Variants in CNTNAP5 observed in about 807,000 individuals in gnomAD.
CNTNAP5 encodes contactin associated protein family member 5.
Under a neutral mutation model 150.2 loss-of-function variants are expected in CNTNAP5, and 72 were observed. That is an observed-to-expected ratio of 0.48 (90% CI 0.40 to 0.58). The LOEUF (loss-of-function observed/expected upper bound fraction) is 0.58. CNTNAP5 is among the 20% of genes least tolerant of loss of function. CNTNAP5 has a pLI of 0.00. For missense variants in CNTNAP5, 1,636 were observed against 1,626.2 expected, an observed-to-expected ratio of 1.01 and a Z score of -0.10; for synonymous variants, 672 against 619.8, an observed-to-expected ratio of 1.08 and a Z score of -1.25.
intron 2 of CNTNAP5, among the ~76,000 whole-genome samples, chr2:124,237,119 G>A (rs1686770597): frequency 6.6e-6 from 1 of 151,982 alleles, no homozygotes; most frequent in South Asian, 2.1e-4. Flanking sequence ...ACAGGAGCGA[G>A]ACTCTGTCAA....
chr2:124,274,732 A>T (rs1687845343), intron 3 of CNTNAP5, among the ~76,000 whole-genome samples: 1 of 152,150 alleles, frequency 6.6e-6, no homozygotes, highest in Non-Finnish European at 1.5e-5. Flanking sequence ...TTGCATTATA[A>T]TAATATGTTA....
intron 11 of CNTNAP5, among the ~76,000 whole-genome samples, chr2:124,565,790 G>A (rs1248170969): frequency 6.6e-6 from 1 of 151,614 alleles, no homozygotes; most frequent in Non-Finnish European, 1.5e-5. Flanking sequence ...TAGTAGAGAC[G>A]GGGTTTCACC....
At chr2:124,850,369 C>A (rs1163058453) in intron 19 of CNTNAP5, among the ~76,000 whole-genome samples, 2 of 151,876 alleles carry the variant, frequency 1.3e-5, no homozygotes, top group East Asian at 3.9e-4. Context: ...GATAGAGAGA[C>A]ACAGAGACAA....
intron 21 of CNTNAP5, among the ~76,000 whole-genome samples, chr2:124,888,623 T>C (rs544516531): frequency 6.6e-6 from 1 of 152,262 alleles, no homozygotes; most frequent in South Asian, 2.1e-4. Context: ...TTTTTTGACT[T>C]TTTAATAATA....
At chr2:124,860,133 T>A (rs1372580095) in intron 19 of CNTNAP5, among the ~76,000 whole-genome samples, 1 of 151,426 alleles carries the variant, frequency 6.6e-6, no homozygotes, top group Non-Finnish European at 1.5e-5. Context: ...GGGTGGATCA[T>A]GAGGTCAGGA....
chr2:124,871,270 A>ATATTTATTTATTTATT (rs749799468), intron 21 of CNTNAP5, among the ~76,000 whole-genome samples: 17,860 of 125,676 alleles, frequency 0.14, 1,226 homozygotes, highest in African/African-American at 0.16. Flanking sequence ...ATACATATAC[A>ATATTTATTTATTTATT]TATTTACTTA....
intron 13 of CNTNAP5, among the ~76,000 whole-genome samples, chr2:124,693,731 T>C (rs185328855): frequency 4.6e-5 from 7 of 152,078 alleles, no homozygotes; most frequent in African/African-American, 1.7e-4. Flanking sequence ...GGCCAGTTTA[T>C]TTTTCAATAG....
chr2:124,205,241 G>A (rs1685832891), intron 1 of CNTNAP5, among the ~76,000 whole-genome samples: 1 of 152,002 alleles, frequency 6.6e-6, no homozygotes, highest in Non-Finnish European at 1.5e-5. Flanking sequence ...GACAATGAGT[G>A]AGTTCTCATG....
intron 13 of CNTNAP5, among the ~76,000 whole-genome samples, chr2:124,711,132 G>A (rs1679798275): frequency 6.6e-6 from 1 of 151,946 alleles, no homozygotes; most frequent in Non-Finnish European, 1.5e-5. Flanking sequence ...TTAGCCAGGT[G>A]TGGTGGCACG....
At chr2:124,894,158 G>T (rs1678256947) in intron 21 of CNTNAP5, among the ~76,000 whole-genome samples, 1 of 151,850 alleles carries the variant, frequency 6.6e-6, no homozygotes, top group African/African-American at 2.4e-5. Flanking sequence ...GTTTTAGAAA[G>T]ACTTTTAACA....
chr2:124,414,722 CGTGTGT>C (rs58485169), intron 3 of CNTNAP5, among the ~76,000 whole-genome samples: 1 of 149,642 alleles, frequency 6.7e-6, no homozygotes, highest in African/African-American at 2.5e-5. Flanking sequence ...TGTGTGTGTG[CGTGTGT>C]GTGTGTGTGT....
At chr2:124,712,097 A>G (rs925948591) in intron 13 of CNTNAP5, among the ~76,000 whole-genome samples, 1 of 152,156 alleles carries the variant, frequency 6.6e-6, no homozygotes, top group African/African-American at 2.4e-5. Flanking sequence ...TGTCTGTCTA[A>G]AACAATCACT....
chr2:124,527,942 C>T (rs1695014407), intron 10 of CNTNAP5, among the ~76,000 whole-genome samples: 1 of 152,140 alleles, frequency 6.6e-6, no homozygotes, highest in Non-Finnish European at 1.5e-5. Context: ...ACTGCCCCTA[C>T]CACTGCTTCT....
At position 124,025,655 on chromosome 2, in the gene CNTNAP5, A is replaced by T; in HGVS notation, c.5A>T (p.Asp2Val). 1 of 1,613,688 alleles carries T rather than the reference A, an allele frequency of 6.2e-7. No individual in the cohort carries two copies. The highest frequency in any genetic ancestry group is 1.1e-5 in the South Asian group (1 of 91,068). ...GGGACCGCTCACTCGGGGGAAATGG[A>T]TTCTTTACCACGGCTGACCAGCGTT... M[D>V]SLPRLTSVLT... The change falls in exon 1 of 24, where the codon GAT becomes GTT. Residue 2 changes from aspartate to valine, a missense_variant. Physicochemically the swap from Asp to Val is radical, Grantham distance 152. Coordinates refer to ENST00000682447, the MANE Select transcript of CNTNAP5 (RefSeq NM_001367498.1).
At chr2:124,227,640 A>ATGTG (rs200129722) in intron 2 of CNTNAP5, among the ~76,000 whole-genome samples, 22,334 of 143,080 alleles carry the variant, frequency 0.16, 1,770 homozygotes, top group Middle Eastern at 0.19. Flanking sequence ...CATCGTGTGT[A>ATGTG]TGTGTGTGTG....
intron 3 of CNTNAP5, among the ~76,000 whole-genome samples, chr2:124,294,422 G>C (rs1688371960): frequency 6.6e-6 from 1 of 152,110 alleles, no homozygotes; most frequent in Non-Finnish European, 1.5e-5. Flanking sequence ...CACAGCAGGG[G>C]TCTCTCTTAA....
At chr2:124,590,439 G>C (rs1011075921) in intron 11 of CNTNAP5, among the ~76,000 whole-genome samples, 1 of 152,118 alleles carries the variant, frequency 6.6e-6, no homozygotes, top group African/African-American at 2.4e-5. Flanking sequence ...TTAATCCCCA[G>C]ACACATTGTT....
chr2:124,865,422 G>C lies in CNTNAP5; in HGVS notation c.3334G>C (p.Glu1112Gln), dbSNP rs753695198. 1.3e-6 allele frequency: 2 copies of C among 1,551,756 alleles called. No homozygotes were observed. The highest frequency in any genetic ancestry group is 1.2e-5 in the South Asian group (1 of 84,058). ...HHLKINREGR[E>Q]LTIQMDQQLR... ...CTTGAAGATTAACCGAGAGGGAAGAGAGCTTACCATTCAGGTACCTTCCTT... is the reference window on the plus strand; with the variant it reads ...CTTGAAGATTAACCGAGAGGGAAGACAGCTTACCATTCAGGTACCTTCCTT... The change falls in exon 20 of 24, where the codon GAG becomes CAG. Residue 1112 changes from glutamate to glutamine, a missense_variant. By Grantham distance (29) the Glu-to-Gln change is conservative. Coordinates refer to ENST00000682447, the MANE Select transcript of CNTNAP5 (RefSeq NM_001367498.1).
rs148305045 is a variant in CNTNAP5, at chr2:124,920,600, C to T, written c.*6312C>T. On this transcript the variant is annotated 3_prime_UTR_variant, in exon 24 of 24. Coordinates refer to ENST00000682447, the MANE Select transcript of CNTNAP5 (RefSeq NM_001367498.1). ...TTCTCTTTCTGAATCTGGCAGTTGACAGGCCTCCTGATATCCTGTGTTGCC... is the reference window on the plus strand; with the variant it reads ...TTCTCTTTCTGAATCTGGCAGTTGATAGGCCTCCTGATATCCTGTGTTGCC... 1.3e-5 allele frequency among the ~76,000 whole-genome samples: 2 copies of T among 152,272 alleles called. No homozygotes were observed. The highest frequency in any genetic ancestry group is 3.9e-4 in the East Asian group (2 of 5,170).
Sources: gnomAD v4.1 joint callset for allele counts (sites outside exome capture counted in the v4.1 genomes callset) on GRCh38, gnomAD v4.1.1 for gene constraint, MANE v1.5 for transcripts, NCBI Gene and HGNC (gene_info 2026-07-23, HGNC 2026-07-21) for gene names.